GPC5: variants seen among roughly 807,000 people sequenced by gnomAD.
The protein encoded by GPC5 is glypican-5.
GPC5 carries 47 observed loss-of-function variants against 53.9 expected under a neutral mutation model. The ratio of observed to expected loss-of-function variants is 0.87; its 90% confidence interval spans 0.69 to 1.11. The LOEUF is 1.11. GPC5 is among the 50% of genes most tolerant of loss of function. The pLI is 0.00. For synonymous variants in GPC5, 286 were observed against 263.3 expected (o/e 1.09, Z -0.84); for missense variants, 748 against 713.1 (o/e 1.05, Z -0.56).
intron 5 of GPC5, among the ~76,000 whole-genome samples, chr13:91,886,774 T>A (rs1443223303): frequency 1.3e-5 from 2 of 152,240 alleles, no homozygotes; most frequent in Non-Finnish European, 2.9e-5. Context: ...ATGTCTTACA[T>A]GCAAGTCACA....
chr13:91,889,843 T>C (rs2039365767), intron 5 of GPC5, among the ~76,000 whole-genome samples: 1 of 152,214 alleles, frequency 6.6e-6, no homozygotes, highest in African/African-American at 2.4e-5. Flanking sequence ...AAGCAAATGA[T>C]TGCACAATTC....
intron 7 of GPC5, among the ~76,000 whole-genome samples, chr13:92,629,759 G>A (rs1885175141): frequency 1.3e-5 from 2 of 151,984 alleles, no homozygotes; most frequent in South Asian, 2.1e-4. Flanking sequence ...GATGTTTGGG[G>A]AAACAAATGT....
intron 5 of GPC5, among the ~76,000 whole-genome samples, chr13:91,862,624 A>G (rs1053541293): frequency 6.6e-6 from 1 of 152,208 alleles, no homozygotes; most frequent in Admixed American, 6.5e-5. Context: ...ATATACACAC[A>G]TATAGATGAT....
In GPC5 at chr13:91,748,021, C is replaced by T. The variant is rs797001748; in HGVS notation, c.1155-8274C>T. Among the ~76,000 whole-genome samples the T allele has an allele frequency of 4.7e-4, 72 of 152,290 alleles. 1 individual carries two copies. The highest frequency in any genetic ancestry group is 1.7e-3 in the African/African-American group (71 of 41,566). On this transcript the variant is annotated intron_variant, in intron 4 of 7. Transcript: ENST00000377067. ...GAAAACCCAAATGCTCAGTTCTCAT[C>T]CCGGACCAATAAATCTGATTGTTTG...
Position 92,520,133 on chromosome 13 carries a change from A to G in GPC5, c.1562-346149A>G, listed in dbSNP as rs553877302. The stretch of plus-strand genomic sequence containing the variant: ...AACAGGCTCTGAAATTGAGGCAATA[A>G]TTAATAGCCTACCAACCAAAAAAAG... On this transcript the variant is annotated intron_variant, in intron 7 of 7. Coordinates refer to ENST00000377067, the MANE Select transcript of GPC5 (RefSeq NM_004466.6). Among the ~76,000 whole-genome samples the G allele has an allele frequency of 3.6e-3, 554 of 152,272 alleles. 1 individual carries two copies. The highest frequency in any genetic ancestry group is 0.012 in the African/African-American group (515 of 41,548).
chr13:92,511,829 C>T (rs1338100724), intron 7 of GPC5, among the ~76,000 whole-genome samples: 1 of 152,192 alleles, frequency 6.6e-6, no homozygotes, highest in Non-Finnish European at 1.5e-5. Context: ...TTCCTGACTT[C>T]ATCATCTCAT....
intron 6 of GPC5, among the ~76,000 whole-genome samples, chr13:92,092,580 T>C: frequency 6.6e-6 from 1 of 152,308 alleles, no homozygotes; most frequent in Non-Finnish European, 1.5e-5. Context: ...CCCAGATTAA[T>C]ATATACAATG....
intron 6 of GPC5, among the ~76,000 whole-genome samples, chr13:92,019,682 G>A (rs1352742392): frequency 6.6e-6 from 1 of 151,982 alleles, no homozygotes; most frequent in African/African-American, 2.4e-5. Flanking sequence ...AATGTTTTAG[G>A]TTTATGTGGG....
At chr13:91,972,667 G>A (rs2139093985) in intron 6 of GPC5, among the ~76,000 whole-genome samples, 1 of 152,242 alleles carries the variant, frequency 6.6e-6, no homozygotes, top group East Asian at 1.9e-4. Context: ...GCCTGGTGGT[G>A]ACAAAATCTC....
intron 2 of GPC5, among the ~76,000 whole-genome samples, chr13:91,498,087 G>C (rs1028296832): frequency 1.1e-5 from 1 of 91,272 alleles, no homozygotes; most frequent in African/African-American, 3.3e-5. Flanking sequence ...TTTAATCTTA[G>C]ATTTTTTTTT....
intron 7 of GPC5, among the ~76,000 whole-genome samples, chr13:92,657,219 T>C (rs767594581): frequency 6.6e-6 from 1 of 152,130 alleles, no homozygotes; most frequent in Non-Finnish European, 1.5e-5. Flanking sequence ...TATTTTAAGA[T>C]ATATTAAAGT....
chr13:91,950,358 C>T (rs1224447122), intron 6 of GPC5, among the ~76,000 whole-genome samples: 1 of 148,194 alleles, frequency 6.7e-6, no homozygotes, highest in Non-Finnish European at 1.5e-5. Flanking sequence ...CCTCCTCCTC[C>T]CTCCCAGCCC....
intron 6 of GPC5, among the ~76,000 whole-genome samples, chr13:92,028,532 G>T (rs1031298864): frequency 3.2e-4 from 48 of 152,208 alleles, no homozygotes; most frequent in Non-Finnish European, 1.5e-4. Context: ...CTCTGAAAAA[G>T]AATCTAAAAT....
At chr13:91,833,595 A>G (rs1265161085) in intron 5 of GPC5, among the ~76,000 whole-genome samples, 8 of 152,186 alleles carry the variant, frequency 5.3e-5, no homozygotes, top group African/African-American at 1.9e-4. Context: ...ACATATGCAA[A>G]TCGATAAATG....
intron 1 of GPC5, among the ~76,000 whole-genome samples, chr13:91,435,286 C>T (rs1040696384): frequency 3.3e-5 from 5 of 152,100 alleles, no homozygotes; most frequent in African/African-American, 1.2e-4. Flanking sequence ...GGAGTGCTTC[C>T]AGTTTTTGCC....
intron 1 of GPC5, among the ~76,000 whole-genome samples, chr13:91,440,107 T>A (rs1210662191): frequency 6.6e-6 from 1 of 152,226 alleles, no homozygotes; most frequent in Non-Finnish European, 1.5e-5. Context: ...AGGAGCTTCT[T>A]AAATTTGTTA....
At chr13:91,899,674 C>T (rs529853833) in intron 5 of GPC5, among the ~76,000 whole-genome samples, 63 of 151,996 alleles carry the variant, frequency 4.1e-4, no homozygotes, top group South Asian at 3.5e-3. Flanking sequence ...GAAGGTGGGC[C>T]CTAAATCCAA....
intron 7 of GPC5, among the ~76,000 whole-genome samples, chr13:92,236,644 T>C (rs972307282): frequency 5.9e-5 from 9 of 152,168 alleles, no homozygotes; most frequent in Admixed American, 5.9e-4. Context: ...TATTTTACCT[T>C]TCAACATTCT....
chr13:92,233,389 T>C (rs1182555050), intron 7 of GPC5, among the ~76,000 whole-genome samples: 2 of 152,218 alleles, frequency 1.3e-5, no homozygotes, highest in Non-Finnish European at 2.9e-5. Context: ...ATGCAAACAC[T>C]AGGTCATCGG....
Sources: gnomAD v4.1 joint callset for allele counts (sites outside exome capture counted in the v4.1 genomes callset) on GRCh38, gnomAD v4.1.1 for gene constraint, MANE v1.5 for transcripts, NCBI Gene and HGNC (gene_info 2026-07-23, HGNC 2026-07-21) for gene names.